The following CACNB4 variants were observed in gnomAD, a reference collection of about 807,000 sequenced individuals.
CACNB4 encodes the protein voltage-dependent L-type calcium channel subunit beta-4.
Under a neutral mutation model 71.2 loss-of-function variants are expected in CACNB4, and 32 were observed. The observed-to-expected ratio is 0.45, with a 90% CI of 0.34 to 0.60. The LOEUF is 0.60. Among genes scored for constraint, CACNB4 ranks in the 20% least tolerant of loss-of-function variants. CACNB4 has a pLI of 0.01. For missense variants in CACNB4, 464 were observed against 647.9 expected, an observed-to-expected ratio of 0.72 and a Z score of 3.08; for synonymous variants, 231 against 236.9, an observed-to-expected ratio of 0.97 and a Z score of 0.23.
intron 2 of CACNB4, among the ~76,000 whole-genome samples, chr2:152,080,419 C>T (rs1687299085): frequency 1.3e-5 from 2 of 152,112 alleles, no homozygotes; most frequent in South Asian, 4.1e-4. Context: ...CTGCGCCTGG[C>T]CAATTTACTG....
At chr2:151,869,968 C>A in intron 8 of CACNB4, 3 of 499,266 alleles carry the variant, frequency 6.0e-6, no homozygotes, top group Non-Finnish European at 1.1e-5. Flanking sequence ...ACATCTGAAA[C>A]GAAGTCTCTA....
intron 2 of CACNB4, among the ~76,000 whole-genome samples, chr2:151,943,382 A>T (rs1280011763): frequency 6.6e-6 from 1 of 152,240 alleles, no homozygotes; most frequent in African/African-American, 2.4e-5. Context: ...GATCAAATTT[A>T]GGGTTGACCA....
intron 2 of CACNB4, among the ~76,000 whole-genome samples, chr2:151,906,437 A>G (rs958802632): frequency 7.9e-5 from 12 of 152,184 alleles, no homozygotes; most frequent in Non-Finnish European, 1.6e-4. Context: ...AAAATAAACC[A>G]CTGTTCCCCA....
At chr2:151,978,867 G>A (rs967102740) in intron 2 of CACNB4, among the ~76,000 whole-genome samples, 15 of 152,020 alleles carry the variant, frequency 9.9e-5, no homozygotes, top group African/African-American at 2.2e-4. Context: ...AGCTCCTGCC[G>A]GCAGCCTACC....
intron 2 of CACNB4, among the ~76,000 whole-genome samples, chr2:152,021,079 C>T (rs565093262): frequency 1.1e-4 from 16 of 152,036 alleles, no homozygotes; most frequent in Non-Finnish European, 1.5e-4. Context: ...GGTGAAACCC[C>T]GTTTCTACTA....
At chr2:152,074,906 C>A (rs997093790) in intron 2 of CACNB4, among the ~76,000 whole-genome samples, 1 of 152,118 alleles carries the variant, frequency 6.6e-6, no homozygotes, top group South Asian at 2.1e-4. Flanking sequence ...GTGATCACCA[C>A]AACCACCCTC....
At chr2:151,967,986 T>G (rs919157341) in intron 2 of CACNB4, 3 of 152,224 alleles carry the variant, frequency 2.0e-5, no homozygotes, top group Admixed American at 6.5e-5. Context: ...TCTATTTAGA[T>G]GTCAAAAATT....
chr2:151,897,426 C>A (rs1178290450), intron 2 of CACNB4, among the ~76,000 whole-genome samples: 1 of 152,204 alleles, frequency 6.6e-6, no homozygotes, highest in Non-Finnish European at 1.5e-5. Context: ...CTCTTCCCTT[C>A]CTCCAGTGAA....
At chr2:151,909,776 C>T (rs1324877843) in intron 2 of CACNB4, among the ~76,000 whole-genome samples, 3 of 152,246 alleles carry the variant, frequency 2.0e-5, no homozygotes, top group East Asian at 3.9e-4. Context: ...ATGGTGGATA[C>T]GTACCACATT....
chr2:151,850,595 T>G (rs2099838822), intron 12 of CACNB4: 1 of 152,174 alleles, frequency 6.6e-6, no homozygotes, highest in South Asian at 2.1e-4. Context: ...TTCCATCATT[T>G]GTAAAATGAG....
At chr2:151,857,895 T>G (rs1207997001) in intron 10 of CACNB4, 1 of 152,166 alleles carries the variant, frequency 6.6e-6, no homozygotes. Flanking sequence ...CACAAAACTC[T>G]TAGGCAACAG....
chr2:151,995,219 T>C (rs1681974696), intron 2 of CACNB4, among the ~76,000 whole-genome samples: 1 of 123,798 alleles, frequency 8.1e-6, no homozygotes, highest in African/African-American at 3.1e-5. Context: ...CAGGAGTGTT[T>C]TGGGTACTTT....
At chr2:151,946,448 T>TAA (rs1320724007) in intron 2 of CACNB4, among the ~76,000 whole-genome samples, 1 of 152,084 alleles carries the variant, frequency 6.6e-6, no homozygotes, top group Non-Finnish European at 1.5e-5. Context: ...CTAGTCACCC[T>TAA]AAGGGGCCTC....
chr2:151,879,271 C>T (rs1452784923), intron 4 of CACNB4, among the ~76,000 whole-genome samples: 2 of 152,138 alleles, frequency 1.3e-5, no homozygotes, highest in African/African-American at 4.8e-5. Context: ...TTCAACTTCC[C>T]AAAATGTTTT....
chr2:152,083,366 AAGG>A (rs1687469782), intron 2 of CACNB4, among the ~76,000 whole-genome samples: 1 of 111,574 alleles, frequency 9.0e-6, no homozygotes, highest in Non-Finnish European at 1.8e-5. Context: ...GGAAGGAAGG[AAGG>A]GAGGGAGGGA....
intron 2 of CACNB4, among the ~76,000 whole-genome samples, chr2:151,912,398 T>G (rs1296200712): frequency 1.3e-5 from 2 of 152,224 alleles, no homozygotes; most frequent in African/African-American, 4.8e-5. Context: ...AAGAACTTCT[T>G]GATTTCTGCC....
chr2:151,881,471 T>C (rs1400376169), intron 3 of CACNB4, among the ~76,000 whole-genome samples: 3 of 152,226 alleles, frequency 2.0e-5, no homozygotes. Flanking sequence ...ACCTTCTCTC[T>C]AGCTAACGAA....
intron 2 of CACNB4, among the ~76,000 whole-genome samples, chr2:151,987,875 A>G (rs1681459780): frequency 6.6e-6 from 1 of 152,192 alleles, no homozygotes; most frequent in South Asian, 2.1e-4. Flanking sequence ...GTCACCATGT[A>G]TCATTTTCTG....
intron 6 of CACNB4, 57 bp from the exon 7 acceptor site, chr2:151,870,918 C>T: frequency 7.6e-7 from 1 of 1,309,400 alleles, no homozygotes; most frequent in Non-Finnish European, 1.1e-6. Context: ...AATGACAGTA[C>T]ATGAGTTTAA....
Sources: gnomAD v4.1 joint callset for allele counts (sites outside exome capture counted in the v4.1 genomes callset) on GRCh38, gnomAD v4.1.1 for gene constraint, MANE v1.5 for transcripts, NCBI Gene and HGNC (gene_info 2026-07-23, HGNC 2026-07-21) for gene names.